Variants in MGLL observed in about 807,000 individuals in gnomAD.
MGLL encodes lysophospholipase homolog.
MGLL carries 7 observed loss-of-function variants against 29.1 expected under a neutral mutation model. That is an observed-to-expected ratio of 0.24 (90% CI 0.14 to 0.45). The LOEUF (loss-of-function observed/expected upper bound fraction) is 0.45. Ranked by LOEUF, MGLL falls within the 20% of genes least tolerant of loss-of-function variation. The probability of loss-of-function intolerance (pLI) is 0.99; values close to 1 mark genes in which losing one functional copy is unlikely to be tolerated. For synonymous variants in MGLL, 148 were observed against 168.3 expected, an observed-to-expected ratio of 0.88 and a Z score of 0.93; for missense variants, 356 against 413.6, an observed-to-expected ratio of 0.86 and a Z score of 1.21.
At chr3:127,755,159 C>T (rs892849927) in intron 3 of MGLL, among the ~76,000 whole-genome samples, 12 of 152,190 alleles carry the variant, frequency 7.9e-5, no homozygotes, top group African/African-American at 2.2e-4. Context: ...TGCTCAACCC[C>T]AGAGAGAAAA....
intron 7 of MGLL, among the ~76,000 whole-genome samples, chr3:127,694,459 T>C (rs1204797546): frequency 6.6e-6 from 1 of 151,920 alleles, no homozygotes; most frequent in Non-Finnish European, 1.5e-5. Flanking sequence ...ATATTCCACA[T>C]AACCAAGCCG....
chr3:127,745,340 A>G (rs1409348927), intron 3 of MGLL, among the ~76,000 whole-genome samples: 1 of 152,226 alleles, frequency 6.6e-6, no homozygotes, highest in Admixed American at 6.5e-5. Flanking sequence ...AATGTGGTGC[A>G]TTTATACACG....
chr3:127,771,259 C>T (rs890976948), intron 3 of MGLL, among the ~76,000 whole-genome samples: 13 of 152,192 alleles, frequency 8.5e-5, no homozygotes, highest in Admixed American at 7.2e-4. Flanking sequence ...CTCTGCTCAC[C>T]GTGAGCTTCG....
chr3:127,768,325 C>T (rs1432476477), intron 3 of MGLL, among the ~76,000 whole-genome samples: 1 of 152,182 alleles, frequency 6.6e-6, no homozygotes, highest in East Asian at 1.9e-4. Flanking sequence ...GGTACCAAAA[C>T]TGGAGAAGGC....
chr3:127,759,172 G>T (rs1003102135), intron 3 of MGLL, among the ~76,000 whole-genome samples: 1 of 152,104 alleles, frequency 6.6e-6, no homozygotes, highest in African/African-American at 2.4e-5. Flanking sequence ...TGATCAACCT[G>T]CCTCGGTCTC....
chr3:127,794,529 A>G lies in MGLL; in HGVS notation c.156-12634T>C, dbSNP rs1051478258. Among the ~76,000 whole-genome samples the G allele has an allele frequency of 6.1e-4, 92 of 151,790 alleles. 1 individual carries two copies. Among genetic ancestry groups the G allele is most frequent in the Admixed American group, 2.2e-3 (33 of 15,262 alleles). On this transcript the variant is annotated intron_variant, in intron 2 of 7. Transcript: ENST00000265052. ...GTAAGGCTGTCTTCTATGATGTAAG[A>G]CTGTCTTCTGTGATGTAAGGCTGTC... is the stretch of plus-strand genomic sequence containing the variant.
At chr3:127,813,610 G>A (rs750929278) in intron 2 of MGLL, among the ~76,000 whole-genome samples, 19 of 152,236 alleles carry the variant, frequency 1.2e-4, no homozygotes, top group Non-Finnish European at 2.4e-4. Flanking sequence ...CGTGTGATCA[G>A]GAGGCTGCCC....
At chr3:127,792,047 G>A (rs1038639020) in intron 2 of MGLL, among the ~76,000 whole-genome samples, 1 of 152,116 alleles carries the variant, frequency 6.6e-6, no homozygotes, top group African/African-American at 2.4e-5. Context: ...CAGCCTGGGC[G>A]ACAGAGCGAG....
At chr3:127,693,153 G>A (rs1156654595) in intron 7 of MGLL, among the ~76,000 whole-genome samples, 4 of 152,292 alleles carry the variant, frequency 2.6e-5, no homozygotes, top group Admixed American at 1.3e-4. Context: ...CGTTGCTCAC[G>A]TCAGTCTCTC....
chr3:127,789,893 A>G (rs2077272558), intron 2 of MGLL, among the ~76,000 whole-genome samples: 1 of 152,220 alleles, frequency 6.6e-6, no homozygotes, highest in South Asian at 2.1e-4. Context: ...CACAACTCAG[A>G]CCCAGAACAA....
intron 2 of MGLL, chr3:127,783,804 C>G (rs2077169901): frequency 1.3e-5 from 2 of 152,262 alleles, no homozygotes; most frequent in Non-Finnish European, 2.9e-5. Flanking sequence ...CTGGGATTGG[C>G]TGATGGGATT....
At chr3:127,727,723 A>AAAAAAAC (rs1559927769) in intron 3 of MGLL, among the ~76,000 whole-genome samples, 8 of 151,720 alleles carry the variant, frequency 5.3e-5, no homozygotes, top group African/African-American at 1.2e-4. Flanking sequence ...AAAAAAAAAA[A>AAAAAAAC]AAAAAACAGA....
intron 5 of MGLL, chr3:127,711,058 CAG>C: frequency 2.9e-6 from 1 of 347,172 alleles, no homozygotes; most frequent in Non-Finnish European, 5.7e-6. Context: ...CAGAATCACA[CAG>C]ATCAACTGAG....
chr3:127,742,582 T>C lies in MGLL; in HGVS notation c.263-20016A>G, dbSNP rs1450974509. Among the ~76,000 whole-genome samples, 11 of 90,024 alleles carry C rather than the reference T, an allele frequency of 1.2e-4. No homozygotes were observed. In the Middle Eastern group the frequency reaches 0.031, roughly 251 times the overall value. 59.1% of individuals were successfully genotyped at this position (90,024 alleles called of 152,430 possible). A position where few individuals can be genotyped will look rare whatever the true frequency, so the allele number is the denominator to read the frequency against. ...TCCAGCCTGGGAGACAGAGCGAGACTCCGTCCCAAAAAAAAAAAAAAAAAA... is the reference window on the plus strand; with the variant it reads ...TCCAGCCTGGGAGACAGAGCGAGACCCCGTCCCAAAAAAAAAAAAAAAAAA... On this transcript the variant is annotated intron_variant, in intron 3 of 7. Transcript: ENST00000265052.
intron 3 of MGLL, among the ~76,000 whole-genome samples, chr3:127,762,842 C>G (rs1467136047): frequency 7.3e-6 from 1 of 136,324 alleles, no homozygotes; most frequent in Non-Finnish European, 1.6e-5. Context: ...CAGATTGGAG[C>G]TCTACACCTA....
intron 2 of MGLL, among the ~76,000 whole-genome samples, chr3:127,817,319 C>T (rs2077775112): frequency 6.6e-6 from 1 of 152,142 alleles, no homozygotes; most frequent in Non-Finnish European, 1.5e-5. Flanking sequence ...GGGACATCAG[C>T]GAGGGAGGGA....
chr3:127,695,257 C>T, intron 6 of MGLL, 67 bp from the exon 7 acceptor site: 5 of 1,497,202 alleles, frequency 3.3e-6, no homozygotes, highest in Non-Finnish European at 4.6e-6. Context: ...AGGCCTATTT[C>T]CTGGTAGCTT....
chr3:127,802,539 T>C (rs535602921), intron 2 of MGLL, among the ~76,000 whole-genome samples: 1 of 152,234 alleles, frequency 6.6e-6, no homozygotes, highest in Non-Finnish European at 1.5e-5. Flanking sequence ...TAGATGGCTA[T>C]TATTACTCCT....
chr3:127,792,634 C>T lies in MGLL; in HGVS notation c.156-10739G>A, dbSNP rs149155501. ...AGGAGAATCACTTGAACCCGGGAGG[C>T]GGAGGTTGCGATGAGACGAGATCGC... On this transcript the variant is annotated intron_variant, in intron 2 of 7. Transcript: ENST00000265052. Among the ~76,000 whole-genome samples, 533 of 151,752 alleles carry T rather than the reference C, an allele frequency of 3.5e-3. 1 individual carries two copies. Among genetic ancestry groups the T allele is most frequent in the Middle Eastern group, 0.031 (9 of 292 alleles).
Sources: gnomAD v4.1 joint callset for allele counts (sites outside exome capture counted in the v4.1 genomes callset) on GRCh38, gnomAD v4.1.1 for gene constraint, MANE v1.5 for transcripts, NCBI Gene and HGNC (gene_info 2026-07-23, HGNC 2026-07-21) for gene names.